RYK: variants seen among roughly 807,000 people sequenced by gnomAD.
RYK encodes the protein inactive tyrosine-protein kinase RYK.
In RYK, 21 loss-of-function variants were observed where a neutral mutation model predicts 70.2. The observed-to-expected ratio is 0.30, with a 90% CI of 0.21 to 0.43. The LOEUF (loss-of-function observed/expected upper bound fraction) is 0.43. RYK is among the 20% of genes least tolerant of loss of function. The pLI is 1.00. For missense variants in RYK, 604 were observed against 753.3 expected, an observed-to-expected ratio of 0.80 and a Z score of 2.32; for synonymous variants, 267 against 278.0, an observed-to-expected ratio of 0.96 and a Z score of 0.39.
intron 6 of RYK, among the ~76,000 whole-genome samples, chr3:134,196,735 G>T (rs961725137): frequency 6.6e-6 from 1 of 152,124 alleles, no homozygotes; most frequent in Non-Finnish European, 1.5e-5. Context: ...AATGAGGACT[G>T]TAAGTCTTTA....
At chr3:134,199,126 A>G (rs1373044965) in intron 6 of RYK, among the ~76,000 whole-genome samples, 37 of 152,232 alleles carry the variant, frequency 2.4e-4, no homozygotes, top group Admixed American at 2.4e-3. Flanking sequence ...AAGAGACTGA[A>G]AAGATCAATT....
intron 13 of RYK, among the ~76,000 whole-genome samples, chr3:134,171,512 AT>A (rs539884697): frequency 2.6e-5 from 4 of 152,234 alleles, no homozygotes; most frequent in East Asian, 1.9e-4. Context: ...TTACAAAAAA[AT>A]AATTCCTATC....
intron 4 of RYK, among the ~76,000 whole-genome samples, chr3:134,209,311 AC>A (rs1264430073): frequency 2.0e-5 from 3 of 152,164 alleles, no homozygotes; most frequent in African/African-American, 7.2e-5. Flanking sequence ...TGCCATTCCA[AC>A]CCAGGTCTAT....
intron 5 of RYK, 57 bp from the exon 6 acceptor site, chr3:134,202,931 A>C: frequency 7.1e-6 from 10 of 1,399,440 alleles, no homozygotes; most frequent in Non-Finnish European, 9.0e-6. Context: ...CTGCTTTGTG[A>C]CCCAATATAC....
rs115334411 is a variant in RYK at position 134,248,323 on chromosome 3, A to T, written c.232+2100T>A. Among the ~76,000 whole-genome samples, 490 of 152,332 alleles carry T rather than the reference A, an allele frequency of 3.2e-3. 2 individuals are homozygous for T. Among genetic ancestry groups the T allele is most frequent in the African/African-American group, 0.011 (456 of 41,562 alleles). On this transcript the variant is annotated intron_variant, in intron 1 of 14. Coordinates refer to ENST00000623711, the MANE Select transcript of RYK (RefSeq NM_002958.4). ...TGGGCATAAATTGGATGCTCATCAA[A>T]CAGGAGCTTCCTCTGCTGCAAATAC... is the stretch of plus-strand genomic sequence containing the variant.
intron 1 of RYK, among the ~76,000 whole-genome samples, chr3:134,242,401 T>C (rs1254274125): frequency 6.6e-6 from 1 of 152,192 alleles, no homozygotes; most frequent in Non-Finnish European, 1.5e-5. Flanking sequence ...CTGTTTATTA[T>C]GTAACTGAGC....
intron 3 of RYK, 55 bp downstream of exon 3, chr3:134,211,453 T>C (rs757328150): frequency 9.0e-5 from 111 of 1,237,886 alleles, no homozygotes; most frequent in African/African-American, 1.5e-4. Context: ...TTTGGGGCCA[T>C]AGGGGATGCA....
At chr3:134,199,023 A>G (rs553346725) in intron 6 of RYK, among the ~76,000 whole-genome samples, 1 of 152,358 alleles carries the variant, frequency 6.6e-6, no homozygotes, top group East Asian at 1.9e-4. Flanking sequence ...AGACTACAGT[A>G]GAGACACGCT....
At chr3:134,225,646 G>A (rs1270109848) in intron 1 of RYK, among the ~76,000 whole-genome samples, 5 of 152,258 alleles carry the variant, frequency 3.3e-5, no homozygotes, top group Non-Finnish European at 7.4e-5. Context: ...TTGAGGCTAG[G>A]AGTTCAAGAC....
chr3:134,207,370 A>T, intron 5 of RYK, 102 bp downstream of exon 5: 2 of 611,678 alleles, frequency 3.3e-6, no homozygotes, highest in East Asian at 6.3e-5. Flanking sequence ...TGTCATTATC[A>T]TTTGATACCA....
intron 10 of RYK, chr3:134,179,069 AT>A (rs1560004888): frequency 6.6e-6 from 1 of 152,194 alleles, no homozygotes; most frequent in Admixed American, 6.5e-5. Flanking sequence ...TAACAGGATA[AT>A]AAGTCACAAT....
chr3:134,177,879 C>T (rs973534421), intron 11 of RYK, 62 bp downstream of exon 11: 27 of 1,412,116 alleles, frequency 1.9e-5, no homozygotes, highest in Non-Finnish European at 2.6e-5. Flanking sequence ...TTAATATCTA[C>T]TTTCAAAGAC....
At chr3:134,190,787 A>G (rs1240566884) in intron 8 of RYK, among the ~76,000 whole-genome samples, 1 of 152,202 alleles carries the variant, frequency 6.6e-6, no homozygotes, top group African/African-American at 2.4e-5. Context: ...ATTCTATCCC[A>G]TTCAGAGACC....
At chr3:134,176,770 G>C (rs904963164) in intron 11 of RYK, among the ~76,000 whole-genome samples, 2 of 152,120 alleles carry the variant, frequency 1.3e-5, no homozygotes, top group Non-Finnish European at 1.5e-5. Flanking sequence ...AAACCCTGCA[G>C]CTGGGTGCGG....
At chr3:134,239,247 C>T (rs1446024409) in intron 1 of RYK, among the ~76,000 whole-genome samples, 1 of 152,094 alleles carries the variant, frequency 6.6e-6, no homozygotes, top group East Asian at 1.9e-4. Flanking sequence ...ATCCCTTGAG[C>T]CCAGAAGTTT....
At chr3:134,195,792 C>T (rs9881896) in intron 6 of RYK, among the ~76,000 whole-genome samples, 46,077 of 151,924 alleles carry the variant, frequency 0.3, 8,533 homozygotes, top group Middle Eastern at 0.47. Context: ...ACTAAAAGTA[C>T]AAAATTAGCC....
intron 1 of RYK, among the ~76,000 whole-genome samples, chr3:134,245,080 T>G (rs967523338): frequency 6.6e-6 from 1 of 152,180 alleles, no homozygotes; most frequent in African/African-American, 2.4e-5. Context: ...CCACCCAATT[T>G]ATGGTACTTT....
intron 1 of RYK, among the ~76,000 whole-genome samples, chr3:134,224,113 A>C (rs914994187): frequency 6.6e-6 from 1 of 152,192 alleles, no homozygotes; most frequent in African/African-American, 2.4e-5. Context: ...TAAAGACAAA[A>C]GACAAAGAAA....
At chr3:134,243,215 C>G (rs1405297861) in intron 1 of RYK, among the ~76,000 whole-genome samples, 2 of 152,198 alleles carry the variant, frequency 1.3e-5, no homozygotes, top group Non-Finnish European at 2.9e-5. Context: ...TTGCCCAAAT[C>G]TGAAACCCTA....
Sources: gnomAD v4.1 joint callset for allele counts (sites outside exome capture counted in the v4.1 genomes callset) on GRCh38, gnomAD v4.1.1 for gene constraint, MANE v1.5 for transcripts, NCBI Gene and HGNC (gene_info 2026-07-23, HGNC 2026-07-21) for gene names.